Variants in EXT1 observed in about 807,000 individuals in gnomAD.
EXT1 encodes exostosin glycosyltransferase 1, also known as exostosin-1.
Under a neutral mutation model 82.5 loss-of-function variants are expected in EXT1, and 20 were observed. That is an observed-to-expected ratio of 0.24 (90% confidence interval 0.17 to 0.35). EXT1 has a LOEUF of 0.35. Among genes scored for constraint, EXT1 ranks in the 10% least tolerant of loss-of-function variants. The pLI is 1.00. For missense variants in EXT1, 757 were observed against 936.5 expected (o/e 0.81, Z 2.50); for synonymous variants, 348 against 350.8 (o/e 0.99, Z 0.09).
chr8:117,811,397 CAT>C (rs1007895121), intron 8 of EXT1, among the ~76,000 whole-genome samples: 7 of 152,182 alleles, frequency 4.6e-5, no homozygotes, highest in African/African-American at 1.4e-4. Flanking sequence ...CCAACCTACA[CAT>C]GACACAATTG....
chr8:118,097,636 T>C (rs560063653), intron 1 of EXT1, among the ~76,000 whole-genome samples: 7 of 152,206 alleles, frequency 4.6e-5, no homozygotes, highest in East Asian at 1.9e-4. Flanking sequence ...TTCTAATATA[T>C]GACAAAATGT....
At chr8:117,867,216 A>G (rs1269185660) in intron 1 of EXT1, among the ~76,000 whole-genome samples, 1 of 140,300 alleles carries the variant, frequency 7.1e-6, no homozygotes, top group Non-Finnish European at 1.5e-5. Context: ...CCGAGATTGC[A>G]CCACTGTACT....
At chr8:118,104,861 CCAGAAGCCTG>C (rs1371647314) in intron 1 of EXT1, among the ~76,000 whole-genome samples, 4 of 152,148 alleles carry the variant, frequency 2.6e-5, no homozygotes, top group African/African-American at 9.7e-5. Context: ...TGAAACATGT[CCAGAAGCCTG>C]CAGAAGCCAA....
chr8:118,002,682 C>T (rs1322737215), intron 1 of EXT1, among the ~76,000 whole-genome samples: 1 of 151,844 alleles, frequency 6.6e-6, no homozygotes, highest in Non-Finnish European at 1.5e-5. Flanking sequence ...CAGGCACCCA[C>T]CACCACGCCC....
intron 1 of EXT1, among the ~76,000 whole-genome samples, chr8:118,096,597 AAGGAAGGAAGGAAGGAAGGAAGG>A (rs1282161619): frequency 1.4e-5 from 1 of 71,558 alleles, no homozygotes; most frequent in East Asian, 4.5e-4. Flanking sequence ...TCCGTCAAGA[AAGGAAGGAAGGAAGGAAGGAAGG>A]AGGAAGGAAG....
intron 1 of EXT1, among the ~76,000 whole-genome samples, 179 bp downstream of exon 1, chr8:118,109,906 A>G (rs1473341148): frequency 6.6e-6 from 1 of 152,136 alleles, no homozygotes; most frequent in African/African-American, 2.4e-5. Context: ...GAGGAGCTCC[A>G]ACTCTCTGTC....
intron 1 of EXT1, among the ~76,000 whole-genome samples, chr8:117,911,382 C>T (rs1586279997): frequency 1.3e-5 from 2 of 152,268 alleles, no homozygotes; most frequent in East Asian, 3.9e-4. Flanking sequence ...ACTCCAACCG[C>T]AATAACCCAA....
At chr8:117,977,480 G>A (rs531678973) in intron 1 of EXT1, among the ~76,000 whole-genome samples, 1 of 152,096 alleles carries the variant, frequency 6.6e-6, no homozygotes, top group African/African-American at 2.4e-5. Flanking sequence ...AGTGTTAGTA[G>A]GAAAAGAAGT....
intron 1 of EXT1, among the ~76,000 whole-genome samples, chr8:118,031,605 T>C (rs1401471089): frequency 6.6e-6 from 1 of 152,156 alleles, no homozygotes; most frequent in African/African-American, 2.4e-5. Flanking sequence ...TAAAAGGCTT[T>C]TGAGCCAATA....
chr8:117,810,370 G>A (rs1215727322), intron 8 of EXT1, among the ~76,000 whole-genome samples: 1 of 152,176 alleles, frequency 6.6e-6, no homozygotes, highest in Admixed American at 6.5e-5. Flanking sequence ...CCACTCCACT[G>A]ATCAGCAGGC....
In EXT1 at chr8:118,110,879, G is replaced by A. The variant is rs776965915; in HGVS notation, c.168C>T (p.Pro56=). 8.7e-6 allele frequency: 14 copies of A among 1,613,286 alleles called. No homozygotes were observed. The South Asian group carries it at 1.3e-4, about 15-fold the overall frequency. ...AGGGGCGCAGAGCGTCCGGGAAGCG[G>A]GGCCAGAAATGATCCGGACTGGGGT... is the stretch of plus-strand genomic sequence containing the variant. The part of the protein sequence containing the change: ...LHHPSPDHFW[P]RFPDALRPFV... Residue 56 remains proline (P), a synonymous_variant, in exon 1 of 11, where the codon CCC becomes CCT. Coordinates refer to ENST00000378204, the MANE Select transcript of EXT1 (RefSeq NM_000127.3).
At chr8:117,806,806 G>A (rs945348929) in intron 9 of EXT1, among the ~76,000 whole-genome samples, 4 of 152,190 alleles carry the variant, frequency 2.6e-5, no homozygotes, top group Admixed American at 6.5e-5. Flanking sequence ...GAATTATTAT[G>A]TAGACAGTCT....
chr8:118,073,693 A>C lies in EXT1; in HGVS notation c.962+36392T>G, dbSNP rs113191682. 9.9e-4 allele frequency among the ~76,000 whole-genome samples: 128 copies of C among 129,390 alleles called. 2 individuals are homozygous for C. In the South Asian group the frequency reaches 0.018, roughly 18 times the overall value. The allele number at this position is 129,390 out of a possible 152,430, so 84.9% of individuals were successfully genotyped here. A position where few individuals can be genotyped will look rare whatever the true frequency, so the allele number is the denominator to read the frequency against. On this transcript the variant is annotated intron_variant, in intron 1 of 10. Coordinates refer to ENST00000378204, the MANE Select transcript of EXT1 (RefSeq NM_000127.3). Reference sequence around the variant, plus strand: ...AGAAGAGAAGAGAAGAGAAGAGAAGAGAAGAGAAGAGAAGCCTCTTAAGAA... The same window carrying C: ...AGAAGAGAAGAGAAGAGAAGAGAAGCGAAGAGAAGAGAAGCCTCTTAAGAA...
chr8:118,073,415 G>T (rs1406199020), intron 1 of EXT1, among the ~76,000 whole-genome samples: 1 of 152,136 alleles, frequency 6.6e-6, no homozygotes, highest in Non-Finnish European at 1.5e-5. Context: ...GAGGCCAGGA[G>T]TTCAAGACCA....
At chr8:118,071,388 T>C (rs1276940299) in intron 1 of EXT1, among the ~76,000 whole-genome samples, 1 of 152,204 alleles carries the variant, frequency 6.6e-6, no homozygotes, top group African/African-American at 2.4e-5. Flanking sequence ...CCTTTACTAT[T>C]GTCTGGAATA....
rs186995074 is a variant in EXT1, at chr8:117,882,167, G to A, written c.963-44966C>T. On this transcript the variant is annotated intron_variant, in intron 1 of 10. Coordinates refer to ENST00000378204, the MANE Select transcript of EXT1 (RefSeq NM_000127.3). ...CATGATCTCAGCTCACTGCAGCTCC[G>A]CTTCCTGGGTTCAAGCAATTCTCCC... is the stretch of plus-strand genomic sequence containing the variant. Among the ~76,000 whole-genome samples the A allele has an allele frequency of 4.0e-3, 611 of 152,222 alleles. 2 individuals are homozygous for A. Among genetic ancestry groups the A allele is most frequent in the Non-Finnish European group, 5.7e-3 (388 of 67,986 alleles).
chr8:118,009,734 G>A (rs1008558918), intron 1 of EXT1, among the ~76,000 whole-genome samples: 1 of 152,150 alleles, frequency 6.6e-6, no homozygotes, highest in African/African-American at 2.4e-5. Context: ...AGGGATCTGG[G>A]TTGCACGCTC....
At chr8:118,065,878 G>A (rs759848018) in intron 1 of EXT1, among the ~76,000 whole-genome samples, 2 of 152,164 alleles carry the variant, frequency 1.3e-5, no homozygotes, top group Non-Finnish European at 2.9e-5. Flanking sequence ...TCACTCTGCC[G>A]CTAAGTATCT....
intron 1 of EXT1, among the ~76,000 whole-genome samples, chr8:117,929,633 C>T (rs1251840435): frequency 6.6e-6 from 1 of 152,210 alleles, no homozygotes; most frequent in African/African-American, 2.4e-5. Context: ...CCCATTACTG[C>T]TTCTATTAGG....
Sources: gnomAD v4.1 joint callset for allele counts (sites outside exome capture counted in the v4.1 genomes callset) on GRCh38, gnomAD v4.1.1 for gene constraint, MANE v1.5 for transcripts, NCBI Gene and HGNC (gene_info 2026-07-23, HGNC 2026-07-21) for gene names.